Variants in IL1RAPL2 observed in about 807,000 individuals in gnomAD.
IL1RAPL2 encodes interleukin 1 receptor accessory protein like 2, also known as X-linked interleukin-1 receptor accessory protein-like 2.
A neutral mutation model predicts 44.1 loss-of-function variants in IL1RAPL2; 3 were observed. The ratio of observed to expected loss-of-function variants is 0.07; its 90% CI spans 0.03 to 0.18. IL1RAPL2 has a LOEUF of 0.18. Ranked by LOEUF, IL1RAPL2 falls within the 10% of genes least tolerant of loss-of-function variation. The pLI is 1.00. For missense variants in IL1RAPL2, 391 were observed against 496.4 expected (o/e 0.79, Z 2.02); for synonymous variants, 181 against 178.8 (o/e 1.01, Z -0.10).
intron 6 of IL1RAPL2, among the ~76,000 whole-genome samples, chrX:105,549,530 T>C (rs2036834777): frequency 9.0e-6 from 1 of 111,317 alleles, no homozygotes; most frequent in Non-Finnish European, 1.9e-5. Flanking sequence ...CAGAGAACTG[T>C]TGTACCCATG....
At chrX:105,635,839 T>C (rs757591284) in intron 6 of IL1RAPL2, among the ~76,000 whole-genome samples, 1 of 110,815 alleles carries the variant, frequency 9.0e-6, no homozygotes, top group South Asian at 3.8e-4. Context: ...GAGAGAGAGG[T>C]TTTTGGCAGA....
At chrX:104,631,203 G>T (rs1929639992) in intron 1 of IL1RAPL2, among the ~76,000 whole-genome samples, 1 of 112,029 alleles carries the variant, frequency 8.9e-6, no homozygotes, top group Non-Finnish European at 1.9e-5. Flanking sequence ...ATTCCATGGT[G>T]TATATGTGCC....
At chrX:104,757,594 T>A (rs1932360912) in intron 2 of IL1RAPL2, among the ~76,000 whole-genome samples, 1 of 111,439 alleles carries the variant, frequency 9.0e-6, no homozygotes, top group South Asian at 3.8e-4. Context: ...GATTTTAAAG[T>A]AGTATGCATA....
At chrX:105,112,054 T>C (rs1284757371) in intron 2 of IL1RAPL2, among the ~76,000 whole-genome samples, 1 of 111,965 alleles carries the variant, frequency 8.9e-6, no homozygotes, top group Non-Finnish European at 1.9e-5. Context: ...CAACTCAAGC[T>C]CTGCCAAATG....
At chrX:104,934,160 C>CT (rs1297569580) in intron 2 of IL1RAPL2, among the ~76,000 whole-genome samples, 3 of 110,329 alleles carry the variant, frequency 2.7e-5, no homozygotes, top group Non-Finnish European at 5.7e-5. Flanking sequence ...ATAAAATTTT[C>CT]TTTTTTGAGG....
At chrX:105,144,132 TGTG>T (rs2033156884) in intron 2 of IL1RAPL2, among the ~76,000 whole-genome samples, 1 of 106,404 alleles carries the variant, frequency 9.4e-6, no homozygotes, top group Admixed American at 1.0e-4. Flanking sequence ...TGTGTGTGTG[TGTG>T]TGTGTGTAGG....
At chrX:105,199,482 A>C (rs2033698731) in intron 3 of IL1RAPL2, among the ~76,000 whole-genome samples, 1 of 110,258 alleles carries the variant, frequency 9.1e-6, no homozygotes, top group African/African-American at 3.3e-5. Context: ...GCTCATTGCT[A>C]TTGGGGTGTT....
Position 105,109,536 on chromosome X carries a change from A to G in IL1RAPL2, c.83-85939A>G, listed in dbSNP as rs772896732. On this transcript the variant is annotated intron_variant, in intron 2 of 10. Coordinates refer to ENST00000372582, the MANE Select transcript of IL1RAPL2 (RefSeq NM_017416.2). ...ATTGTATGATTCCATTTAATAAAAA[A>G]AAGTCCAGAATAGGCAAATCCATAG... 3.6e-5 allele frequency among the ~76,000 whole-genome samples: 4 copies of G among 112,357 alleles called. No homozygotes were observed. In the Admixed American group the frequency reaches 3.8e-4, roughly 11 times the overall value.
intron 2 of IL1RAPL2, among the ~76,000 whole-genome samples, chrX:104,780,373 T>G (rs1932764226): frequency 8.9e-6 from 1 of 112,076 alleles, no homozygotes. Context: ...AGCTAGAGTT[T>G]GTTACTCTGA....
chrX:105,480,219 C>G (rs2036225357), intron 5 of IL1RAPL2, among the ~76,000 whole-genome samples: 1 of 112,050 alleles, frequency 8.9e-6, no homozygotes, highest in Admixed American at 9.5e-5. Flanking sequence ...ATTTTTTATA[C>G]TAAGTTCATG....
intron 2 of IL1RAPL2, among the ~76,000 whole-genome samples, chrX:104,972,442 C>G (rs1158231141): frequency 9.0e-6 from 1 of 111,268 alleles, no homozygotes. Context: ...GGGGAGCATC[C>G]CACCTAACAA....
rs1426407704 is a variant in IL1RAPL2 at position 105,322,520 on chromosome X, A to G, written c.697+54979A>G. Among the ~76,000 whole-genome samples, 5 of 111,568 alleles carry G rather than the reference A, an allele frequency of 4.5e-5. No homozygotes were observed. The Admixed American group carries it at 4.8e-4, about 11-fold the overall frequency. On this transcript the variant is annotated intron_variant, in intron 5 of 10. Transcript: ENST00000372582. ...ATTGAGTCCTTTGTGGTTATGAGGT[A>G]TCCATTTACTTGCTGTCACCTGGAG...
chrX:105,762,351 T>A (rs2038694406), intron 10 of IL1RAPL2, among the ~76,000 whole-genome samples: 1 of 111,908 alleles, frequency 8.9e-6, no homozygotes, highest in African/African-American at 3.3e-5. Flanking sequence ...GCATGATGTT[T>A]TTTTCATTTC....
chrX:104,818,844 C>T (rs187340457), intron 2 of IL1RAPL2, among the ~76,000 whole-genome samples: 1 of 111,532 alleles, frequency 9.0e-6, no homozygotes, highest in Non-Finnish European at 1.9e-5. Flanking sequence ...GAAGAGAAAA[C>T]AGGAGGGAAT....
At chrX:104,822,642 T>C in intron 2 of IL1RAPL2, among the ~76,000 whole-genome samples, 1 of 112,465 alleles carries the variant, frequency 8.9e-6, no homozygotes, top group African/African-American at 3.2e-5. Flanking sequence ...AGTACCATGC[T>C]GTTTTTGTTA....
chrX:104,939,456 T>A (rs1412708803), intron 2 of IL1RAPL2, among the ~76,000 whole-genome samples: 1 of 111,777 alleles, frequency 8.9e-6, no homozygotes, highest in African/African-American at 3.3e-5. Flanking sequence ...GCAGCCTTTT[T>A]TTTGGTTGTT....
At chrX:105,031,633 G>A (rs1429771928) in intron 2 of IL1RAPL2, among the ~76,000 whole-genome samples, 3 of 111,632 alleles carry the variant, frequency 2.7e-5, no homozygotes, top group Non-Finnish European at 5.6e-5. Context: ...ATGTGCTGCT[G>A]GATTCGGATT....
intron 8 of IL1RAPL2, among the ~76,000 whole-genome samples, chrX:105,746,498 A>C (rs1301720101): frequency 8.9e-6 from 1 of 112,129 alleles, no homozygotes; most frequent in East Asian, 2.8e-4. Context: ...TATAGGATAG[A>C]TGTTTCCCTT....
intron 2 of IL1RAPL2, among the ~76,000 whole-genome samples, chrX:104,753,154 G>A (rs1334701380): frequency 1.9e-5 from 2 of 103,706 alleles, no homozygotes; most frequent in Non-Finnish European, 3.9e-5. Flanking sequence ...TTTTTTTGGA[G>A]AGCCCCCATT....
Sources: allele counts gnomAD v4.1 joint callset (sites outside exome capture counted in the v4.1 genomes callset), GRCh38; gene constraint gnomAD v4.1.1; transcripts MANE v1.5; gene names NCBI Gene and HGNC (gene_info 2026-07-23, HGNC 2026-07-21).